The following HYCC2 variants were observed in gnomAD, a reference collection of about 807,000 sequenced individuals.
HYCC2 encodes hyccin PI4KA lipid kinase complex subunit 2, also known as hyccin 2.
the HYCC2 span, among the ~76,000 whole-genome samples, chr2:201,011,856 A>G: frequency 6.6e-6 from 1 of 152,130 alleles, no homozygotes; most frequent in Admixed American, 6.5e-5. Flanking sequence ...ATTAAAATTA[A>G]AAGTCTTATC....
At chr2:200,998,311 T>A in the HYCC2 span, among the ~76,000 whole-genome samples, 1 of 152,228 alleles carries the variant, frequency 6.6e-6, no homozygotes, top group African/African-American at 2.4e-5. Context: ...TAATGCTTGC[T>A]GCTCCTTCTT....
the HYCC2 span, among the ~76,000 whole-genome samples, chr2:201,049,853 CTTTTT>C: frequency 1.3e-5 from 2 of 151,984 alleles, no homozygotes; most frequent in Non-Finnish European, 2.9e-5. Flanking sequence ...AATTACATTT[CTTTTT>C]TATTTTTTAA....
the HYCC2 span, among the ~76,000 whole-genome samples, chr2:201,001,137 C>CAAA: frequency 1.4e-5 from 1 of 70,328 alleles, no homozygotes; most frequent in African/African-American, 5.3e-5. Flanking sequence ...GACTCTGTCT[C>CAAA]AAAAAAAAAA....
the HYCC2 span, chr2:201,009,168 C>A: frequency 5.9e-6 from 5 of 843,098 alleles, no homozygotes; most frequent in Non-Finnish European, 9.4e-6. Context: ...ATTTAATTTT[C>A]TTTTCCATAA....
chr2:201,015,869 C>G, the HYCC2 span, among the ~76,000 whole-genome samples: 2 of 152,164 alleles, frequency 1.3e-5, no homozygotes, highest in African/African-American at 4.8e-5. Flanking sequence ...CTCATCTCAA[C>G]AGGCCAAAAC....
At chr2:201,029,029 A>C in the HYCC2 span, among the ~76,000 whole-genome samples, 22 of 152,322 alleles carry the variant, frequency 1.4e-4, no homozygotes, top group Admixed American at 5.2e-4. Context: ...AACCTACAGA[A>C]TGGGAGAAAA....
At chr2:201,049,823 C>G in the HYCC2 span, among the ~76,000 whole-genome samples, 1 of 151,904 alleles carries the variant, frequency 6.6e-6, no homozygotes, top group Non-Finnish European at 1.5e-5. Context: ...TAGAAAAACA[C>G]CAACTACCTG....
the HYCC2 span, among the ~76,000 whole-genome samples, chr2:201,062,654 A>G: frequency 2.0e-5 from 3 of 147,522 alleles, no homozygotes. Context: ...CTGTCTCACA[A>G]AAAAAAAAAA....
chr2:201,028,174 A>C, the HYCC2 span, among the ~76,000 whole-genome samples: 1 of 152,086 alleles, frequency 6.6e-6, no homozygotes, highest in Non-Finnish European at 1.5e-5. Context: ...ACCAATAACA[A>C]ACAAACAAAG....
chr2:201,052,143 C>G, the HYCC2 span: 4 of 152,272 alleles, frequency 2.6e-5, no homozygotes, highest in Admixed American at 6.6e-5. Flanking sequence ...ATTAAAAATA[C>G]AAAAACTAGC....
chr2:201,065,301 C>T, the HYCC2 span, among the ~76,000 whole-genome samples: 4 of 152,198 alleles, frequency 2.6e-5, no homozygotes, highest in Admixed American at 2.6e-4. Context: ...TTTATTGCTG[C>T]ATAGCAGTCC....
chr2:201,054,591 T>C, the HYCC2 span, among the ~76,000 whole-genome samples: 1 of 152,156 alleles, frequency 6.6e-6, no homozygotes, highest in Non-Finnish European at 1.5e-5. Flanking sequence ...TTTTAAAGAC[T>C]ACATTCTGGG....
chr2:201,022,083 G>C, the HYCC2 span: 2 of 1,289,686 alleles, frequency 1.6e-6, no homozygotes, highest in Non-Finnish European at 2.0e-6. Context: ...ACTCACTCCA[G>C]TACACAGCAG....
At chr2:201,041,439 T>A in the HYCC2 span, among the ~76,000 whole-genome samples, 3 of 152,232 alleles carry the variant, frequency 2.0e-5, no homozygotes, top group African/African-American at 7.2e-5. Context: ...CTCCAGCACA[T>A]CTGTGCAGGC....
the HYCC2 span, among the ~76,000 whole-genome samples, chr2:201,049,917 C>T: frequency 3.3e-5 from 5 of 151,882 alleles, no homozygotes; most frequent in Non-Finnish European, 7.4e-5. Context: ...CCAGGCAGGT[C>T]TTGAACTCCT....
chr2:201,038,061 C>A, the HYCC2 span, among the ~76,000 whole-genome samples: 5 of 152,098 alleles, frequency 3.3e-5, no homozygotes, highest in Non-Finnish European at 7.4e-5. Flanking sequence ...AAACAAACAA[C>A]CCCATCAAAA....
the HYCC2 span, among the ~76,000 whole-genome samples, chr2:201,052,010 G>A: frequency 1.3e-5 from 2 of 152,178 alleles, no homozygotes; most frequent in Non-Finnish European, 1.5e-5. Flanking sequence ...TTAAGACATG[G>A]AAGAGGGCCC....
At chr2:201,009,090 T>C in the HYCC2 span, 1 of 1,580,302 alleles carries the variant, frequency 6.3e-7, no homozygotes, top group Non-Finnish European at 8.7e-7. Flanking sequence ...TGTTGAAGGC[T>C]ACAAAAATAA....
the HYCC2 span, among the ~76,000 whole-genome samples, chr2:200,993,823 T>TA: frequency 6.8e-6 from 1 of 147,564 alleles, no homozygotes; most frequent in East Asian, 2.0e-4. Flanking sequence ...CTACTAAAAA[T>TA]ACAAAAAAAA....
Sources: gnomAD v4.1 joint callset for allele counts (sites outside exome capture counted in the v4.1 genomes callset) on GRCh38, gnomAD v4.1.1 for gene constraint, MANE v1.5 for transcripts, NCBI Gene and HGNC (gene_info 2026-07-23, HGNC 2026-07-21) for gene names.